The following ANKRD17 variants were observed in gnomAD, a reference collection of about 807,000 sequenced individuals.
The protein encoded by ANKRD17 is ankyrin repeat domain 17, also known as ankyrin repeat domain-containing protein 17.
Under a neutral mutation model 229.7 loss-of-function variants are expected in ANKRD17, and 19 were observed. That is an observed-to-expected ratio of 0.08 (90% CI 0.06 to 0.12). ANKRD17 has a LOEUF of 0.12. ANKRD17 is among the 10% of genes least tolerant of loss of function. The pLI, the probability that ANKRD17 is intolerant of heterozygous loss-of-function variation, is 1.00. For missense variants in ANKRD17, 2,176 were observed against 3,176.8 expected (o/e 0.68, Z 7.57); for synonymous variants, 1,112 against 1,146.1 (o/e 0.97, Z 0.60).
intron 1 of ANKRD17, among the ~76,000 whole-genome samples, chr4:73,179,734 G>A (rs1258637743): frequency 6.6e-6 from 1 of 150,914 alleles, no homozygotes; most frequent in Non-Finnish European, 1.5e-5. Context: ...CCAAAGGACG[G>A]GATTATAGGC....
intron 16 of ANKRD17, among the ~76,000 whole-genome samples, chr4:73,127,468 A>G (rs1727625507): frequency 6.6e-6 from 1 of 152,156 alleles, no homozygotes; most frequent in Non-Finnish European, 1.5e-5. Flanking sequence ...CAATCTCATC[A>G]TATTTTTCAA....
intron 1 of ANKRD17, among the ~76,000 whole-genome samples, chr4:73,199,001 C>G (rs769756187): frequency 6.6e-6 from 1 of 152,112 alleles, no homozygotes; most frequent in Non-Finnish European, 1.5e-5. Context: ...GGAACAAATT[C>G]AAGAGAAAAC....
chr4:73,115,609 A>T (rs541687819), intron 23 of ANKRD17, among the ~76,000 whole-genome samples: 1 of 152,196 alleles, frequency 6.6e-6, no homozygotes, highest in Non-Finnish European at 1.5e-5. Context: ...ATTTTTAAAG[A>T]TAAGGTAATC....
Position 73,179,514 on chromosome 4 carries a change from A to ATTT in ANKRD17, c.394-1982_394-1981insAAA, listed in dbSNP as rs1474647808. On this transcript the variant is annotated intron_variant, in intron 1 of 33. Transcript: ENST00000358602. ...TATATATATATATATATATATATAT[A>ATTT]TATATTTTTTTTTTTTTTTTTAAAG... Among the ~76,000 whole-genome samples the ATTT allele has an allele frequency of 8.6e-4, 56 of 65,138 alleles. No individual in the cohort carries two copies. The South Asian group carries it at 0.014, about 16-fold the overall frequency. 42.7% of individuals were successfully genotyped at this position (65,138 alleles called of 152,430 possible).
intron 26 of ANKRD17, 65 bp from the exon 27 acceptor site, chr4:73,097,337 G>A: frequency 1.5e-6 from 2 of 1,367,400 alleles, no homozygotes; most frequent in African/African-American, 1.5e-5. Flanking sequence ...AATGATAAAG[G>A]TAGTCTACTA....
At chr4:73,203,879 A>C (rs1359137581) in intron 1 of ANKRD17, among the ~76,000 whole-genome samples, 2 of 152,140 alleles carry the variant, frequency 1.3e-5, no homozygotes, top group Non-Finnish European at 2.9e-5. Flanking sequence ...CACGAAGAAA[A>C]GTGCACCAAG....
At chr4:73,076,903 C>T in intron 33 of ANKRD17, 37 bp downstream of exon 33, 1 of 1,572,024 alleles carries the variant, frequency 6.4e-7, no homozygotes, top group East Asian at 2.3e-5. Flanking sequence ...TTCTTAAACA[C>T]AAAACAACTG....
rs1720872653 is a variant in ANKRD17, at chr4:73,074,249, T to G, written c.*1982A>C. 6.6e-6 allele frequency: 1 copy of G among 152,078 alleles called. No individual in the cohort carries two copies. Among genetic ancestry groups the G allele is most frequent in the African/African-American group, 2.4e-5 (1 of 41,532 alleles). 9.4% of individuals were successfully genotyped at this position (152,078 alleles called of 1,614,324 possible). On this transcript the variant is annotated 3_prime_UTR_variant, in exon 34 of 34. Transcript: ENST00000358602. ...GTATTGTGAAACAACACAACTCATG[T>G]GTTGTAATAAATATTGGATAGCATC... is the stretch of plus-strand genomic sequence containing the variant.
chr4:73,147,466 CATT>C (rs1730434487), intron 8 of ANKRD17, 34 bp from the exon 9 acceptor site: 1 of 1,419,032 alleles, frequency 7.0e-7, no homozygotes, highest in African/African-American at 1.5e-5. Flanking sequence ...TAAAGAAAGT[CATT>C]AACTTATTCC....
intron 16 of ANKRD17, among the ~76,000 whole-genome samples, chr4:73,131,109 A>C (rs1226666609): frequency 6.6e-6 from 1 of 152,206 alleles, no homozygotes; most frequent in African/African-American, 2.4e-5. Context: ...TGGTTTCCTA[A>C]AACAGATTTT....
Position 73,155,658 on chromosome 4 carries a change from C to T in ANKRD17, c.973G>A (p.Ala325Thr), listed in dbSNP as rs1420283438. The change falls in exon 5 of 34, where the codon GCA (alanine) becomes ACA (threonine). Residue 325 changes from alanine (A) to threonine (T), a missense_variant. Physicochemically the swap from Ala to Thr is moderately conservative, Grantham distance 58. Coordinates refer to ENST00000358602, the MANE Select transcript of ANKRD17 (RefSeq NM_032217.5). Reference protein sequence around the residue: ...KIVKLLLAHKADVNAQSSTGN... With the variant: ...KIVKLLLAHKTDVNAQSSTGN... Reference sequence around the variant, plus strand: ...GTTGAAGACTGTGCATTAACATCTGCTTTATGAGCTAGCAGCAACTTCACA... The same window carrying T: ...GTTGAAGACTGTGCATTAACATCTGTTTTATGAGCTAGCAGCAACTTCACA... 3.1e-6 allele frequency: 5 copies of T among 1,614,112 alleles called. No individual in the cohort carries two copies. In the South Asian group the frequency reaches 5.5e-5, roughly 18 times the overall value.
intron 27 of ANKRD17, among the ~76,000 whole-genome samples, chr4:73,095,657 A>G (rs1400357740): frequency 2.0e-5 from 3 of 151,298 alleles, no homozygotes; most frequent in African/African-American, 2.4e-5. Flanking sequence ...TTACATTTTA[A>G]TTTTAAACAT....
At chr4:73,113,712 A>G in intron 24 of ANKRD17, 80 bp downstream of exon 24, 1 of 1,128,282 alleles carries the variant, frequency 8.9e-7, no homozygotes, top group South Asian at 1.3e-5. Context: ...AACAAAACAA[A>G]AAGACGGATT....
At chr4:73,159,731 A>C (rs980491831) in intron 3 of ANKRD17, among the ~76,000 whole-genome samples, 1 of 152,186 alleles carries the variant, frequency 6.6e-6, no homozygotes, top group South Asian at 2.1e-4. Context: ...AGTAGGCACC[A>C]CATTAAAAAA....
At chr4:73,147,528 T>G (rs1382524543) in intron 8 of ANKRD17, 96 bp from the exon 9 acceptor site, 5 of 1,028,086 alleles carry the variant, frequency 4.9e-6, no homozygotes, top group Non-Finnish European at 6.5e-6. Context: ...ATCTTTAAAA[T>G]GAACATTTAT....
At chr4:73,236,217 T>A (rs1357461694) in intron 1 of ANKRD17, among the ~76,000 whole-genome samples, 1 of 151,764 alleles carries the variant, frequency 6.6e-6, no homozygotes, top group Non-Finnish European at 1.5e-5. Flanking sequence ...AGTGCAGTGG[T>A]TCCATCATTG....
intron 25 of ANKRD17, among the ~76,000 whole-genome samples, chr4:73,099,577 T>C (rs1723714268): frequency 6.6e-6 from 1 of 152,188 alleles, no homozygotes; most frequent in Admixed American, 6.5e-5. Context: ...TCCCCTGGCC[T>C]TAAAAGGGGC....
At chr4:73,106,677 A>G (rs913566333) in intron 24 of ANKRD17, among the ~76,000 whole-genome samples, 2 of 152,084 alleles carry the variant, frequency 1.3e-5, no homozygotes, top group African/African-American at 4.8e-5. Flanking sequence ...TCAAGAGATC[A>G]AGACCATTCT....
intron 1 of ANKRD17, among the ~76,000 whole-genome samples, chr4:73,251,151 T>C (rs746596491): frequency 5.9e-5 from 9 of 152,170 alleles, no homozygotes; most frequent in Non-Finnish European, 1.3e-4. Flanking sequence ...ATGTAATGTT[T>C]ATGAGTTTCA....
Sources: allele counts gnomAD v4.1 joint callset (sites outside exome capture counted in the v4.1 genomes callset), GRCh38; gene constraint gnomAD v4.1.1; transcripts MANE v1.5; gene names NCBI Gene and HGNC (gene_info 2026-07-23, HGNC 2026-07-21).